Variants in CYRIA observed in about 807,000 individuals in gnomAD.
CYRIA encodes CYFIP related Rac1 interactor A.
CYRIA carries 15 observed loss-of-function variants against 43.9 expected under a neutral mutation model. That is an observed-to-expected ratio of 0.34 (90% CI 0.23 to 0.53). The LOEUF (loss-of-function observed/expected upper bound fraction) is 0.53. Among genes scored for constraint, CYRIA ranks in the 20% least tolerant of loss-of-function variants. The probability of loss-of-function intolerance (pLI) is 0.94; values close to 1 mark genes in which losing one functional copy is unlikely to be tolerated. For missense variants in CYRIA, 236 were observed against 394.2 expected, an observed-to-expected ratio of 0.60 and a Z score of 3.40; for synonymous variants, 117 against 136.0, an observed-to-expected ratio of 0.86 and a Z score of 0.97.
At chr2:16,555,286 C>G in intron 10 of CYRIA, 147 bp from the exon 11 acceptor site, 1 of 723,690 alleles carries the variant, frequency 1.4e-6, no homozygotes, top group Non-Finnish European at 2.3e-6. Context: ...TTCCTACCCC[C>G]TCAGGCTGGT....
At chr2:16,565,907 G>T in intron 3 of CYRIA, 140 bp from the exon 4 acceptor site, 1 of 723,834 alleles carries the variant, frequency 1.4e-6, no homozygotes, top group Non-Finnish European at 1.9e-6. Flanking sequence ...CTAATAAGCT[G>T]CTAGGATGCT....
intron 1 of CYRIA, among the ~76,000 whole-genome samples, chr2:16,651,037 G>A (rs1291662828): frequency 1.3e-5 from 2 of 151,954 alleles, no homozygotes; most frequent in African/African-American, 4.8e-5. Flanking sequence ...TATGCTATCC[G>A]GCCCCACTTG....
At chr2:16,574,395 C>G (rs1472995121) in intron 3 of CYRIA, among the ~76,000 whole-genome samples, 1 of 152,178 alleles carries the variant, frequency 6.6e-6, no homozygotes, top group Non-Finnish European at 1.5e-5. Context: ...ATCCCATTGT[C>G]TGAGGAGAAA....
intron 1 of CYRIA, among the ~76,000 whole-genome samples, chr2:16,628,619 G>A (rs1294941624): frequency 6.6e-6 from 1 of 152,246 alleles, no homozygotes; most frequent in African/African-American, 2.4e-5. Flanking sequence ...ACCTCTGAGA[G>A]TGAAAGGGGG....
intron 1 of CYRIA, among the ~76,000 whole-genome samples, chr2:16,656,705 A>G (rs192944067): frequency 1.4e-4 from 21 of 152,392 alleles, no homozygotes; most frequent in Non-Finnish European, 2.6e-4. Flanking sequence ...TGATGCATTA[A>G]TAATAAACTC....
chr2:16,580,896 T>G (rs1185729797), intron 3 of CYRIA, among the ~76,000 whole-genome samples: 4 of 152,166 alleles, frequency 2.6e-5, no homozygotes, highest in African/African-American at 9.7e-5. Context: ...TACAATATTA[T>G]GGACTATGAA....
chr2:16,662,912 G>T (rs1017516856), intron 1 of CYRIA, among the ~76,000 whole-genome samples: 7 of 151,740 alleles, frequency 4.6e-5, no homozygotes, highest in Non-Finnish European at 7.4e-5. Context: ...ATTTTTTTTT[G>T]AAAACAGAAA....
intron 3 of CYRIA, among the ~76,000 whole-genome samples, chr2:16,581,394 G>A (rs1422309198): frequency 1.3e-5 from 2 of 152,042 alleles, no homozygotes; most frequent in Non-Finnish European, 2.9e-5. Flanking sequence ...AAACACCATG[G>A]GATGCTACCC....
At chr2:16,615,061 A>G (rs978198677) in intron 2 of CYRIA, among the ~76,000 whole-genome samples, 31 of 152,306 alleles carry the variant, frequency 2.0e-4, no homozygotes, top group African/African-American at 7.5e-4. Flanking sequence ...ATTGCTTCTA[A>G]CCATGAAATA....
At chr2:16,613,502 T>C (rs1033911264) in intron 2 of CYRIA, among the ~76,000 whole-genome samples, 30 of 150,092 alleles carry the variant, frequency 2.0e-4, no homozygotes, top group African/African-American at 7.6e-4. Flanking sequence ...AAGCGCTACA[T>C]GCAAATGCCC....
In CYRIA at chr2:16,622,511, A is replaced by G. The variant is rs533278745; in HGVS notation, c.-11+1353T>C. 2.8e-3 allele frequency among the ~76,000 whole-genome samples: 421 copies of G among 152,330 alleles called. 2 individuals carry two copies. Among genetic ancestry groups the G allele is most frequent in the Non-Finnish European group, 4.6e-3 (312 of 68,034 alleles). ...TCAAAGCTATATTCAAGTAGCTCTA[A>G]AAAAGGGTAGGTAGGGAAAGGAGCT... is the stretch of plus-strand genomic sequence containing the variant. On this transcript the variant is annotated intron_variant, in intron 2 of 11. Transcript: ENST00000381323.
At position 16,550,535 on chromosome 2, in the gene CYRIA, GAGACA is replaced by G. The variant is rs1666267720; in HGVS notation, c.*2396_*2400del. On this transcript the variant is annotated 3_prime_UTR_variant, in exon 12 of 12. Coordinates refer to ENST00000381323, the MANE Select transcript of CYRIA (RefSeq NM_030797.4). The stretch of plus-strand genomic sequence containing the variant: ...CCATGTACTGCTGAGTCTTGGCTTT[GAGACA>G]AGACAAGTCTTGGCTAAATTGAGGC... The G allele has an allele frequency of 6.6e-6, 1 of 152,090 alleles. No individual in the cohort carries two copies. Among genetic ancestry groups the G allele is most frequent in the Non-Finnish European group, 1.5e-5 (1 of 68,002 alleles). The allele number at this position is 152,090 out of a possible 1,614,324, so 9.4% of individuals were successfully genotyped here.
intron 3 of CYRIA, among the ~76,000 whole-genome samples, chr2:16,573,189 A>G (rs935583896): frequency 6.6e-6 from 1 of 152,238 alleles, no homozygotes; most frequent in African/African-American, 2.4e-5. Flanking sequence ...TAGGCTGGAC[A>G]CTGGATAAGA....
intron 2 of CYRIA, among the ~76,000 whole-genome samples, chr2:16,590,149 T>G (rs908047624): frequency 6.6e-6 from 1 of 152,150 alleles, no homozygotes; most frequent in African/African-American, 2.4e-5. Flanking sequence ...TTGTCTTTTC[T>G]GTCATTCTTC....
chr2:16,601,554 T>C (rs997039236), intron 2 of CYRIA, among the ~76,000 whole-genome samples: 1 of 152,126 alleles, frequency 6.6e-6, no homozygotes, highest in Admixed American at 6.6e-5. Flanking sequence ...CACTCATCTT[T>C]AAGGGGTGAC....
intron 1 of CYRIA, among the ~76,000 whole-genome samples, chr2:16,663,479 G>A (rs187821662): frequency 5.3e-4 from 81 of 152,216 alleles, no homozygotes; most frequent in African/African-American, 1.8e-3. Flanking sequence ...AAAACACCAG[G>A]GAAGGGAAGG....
At position 16,620,715 on chromosome 2, in the gene CYRIA, C is replaced by T. The variant is rs1668963302; in HGVS notation, c.-11+3149G>A. Among the ~76,000 whole-genome samples, 3 of 152,292 alleles carry T rather than the reference C, an allele frequency of 2.0e-5. No homozygotes were observed. In the East Asian group the frequency reaches 5.8e-4, roughly 29 times the overall value. On this transcript the variant is annotated intron_variant, in intron 2 of 11. Transcript: ENST00000381323. ...AAAAATCCCTGATTCATACCCTCAC[C>T]TCCCTCTCTAAGTGAGTCCCTTGGT... is the stretch of plus-strand genomic sequence containing the variant.
At chr2:16,660,665 G>A (rs809538) in intron 1 of CYRIA, among the ~76,000 whole-genome samples, 135,207 of 152,256 alleles carry the variant, frequency 0.89, 60,878 homozygotes, top group Middle Eastern at 0.98. Flanking sequence ...TTGATCCATC[G>A]TAAAACTGCA....
chr2:16,663,390 C>T (rs1284400370), intron 1 of CYRIA, among the ~76,000 whole-genome samples: 1 of 152,150 alleles, frequency 6.6e-6, no homozygotes, highest in Admixed American at 6.5e-5. Flanking sequence ...ACGTGCTCAG[C>T]TTATTTTTAA....
Sources: gnomAD v4.1 joint callset for allele counts (sites outside exome capture counted in the v4.1 genomes callset) on GRCh38, gnomAD v4.1.1 for gene constraint, MANE v1.5 for transcripts, NCBI Gene and HGNC (gene_info 2026-07-23, HGNC 2026-07-21) for gene names.